MAP1A: variants seen among roughly 807,000 people sequenced by gnomAD.
The protein encoded by MAP1A is microtubule-associated protein 1A.
In MAP1A, 42 loss-of-function variants were observed where a neutral mutation model predicts 185.9. The observed-to-expected ratio is 0.23, with a 90% CI of 0.18 to 0.29. MAP1A has a LOEUF of 0.29. Ranked by LOEUF, MAP1A falls within the 10% of genes least tolerant of loss-of-function variation. The pLI is 1.00. For missense variants in MAP1A, 2,995 were observed against 3,450.4 expected, an observed-to-expected ratio of 0.87 and a Z score of 3.31; for synonymous variants, 1,229 against 1,335.9, an observed-to-expected ratio of 0.92 and a Z score of 1.74.
chr15:43,512,036 A>C (rs901473459), intron 1 of MAP1A, among the ~76,000 whole-genome samples: 9 of 152,148 alleles, frequency 5.9e-5, no homozygotes, highest in African/African-American at 2.2e-4. Flanking sequence ...ATTACTAGCC[A>C]CCTTTCTTTG....
rs764237711 is a variant in MAP1A at position 43,528,264 on chromosome 15, C to T, written c.6791C>T (p.Thr2264Ile). 51 of 1,613,954 alleles carry T rather than the reference C, an allele frequency of 3.2e-5. No homozygotes were observed. In the African/African-American group the frequency reaches 5.6e-4, roughly 18 times the overall value. ...TCTGAGGGCTCCTCCTCTGAGGCTA[C>T]CACGCCTGTGATTTCAAGTGTGGCG... Reference protein sequence around the residue: ...ALSEGSSSEATTPVISSVAER... With the variant: ...ALSEGSSSEAITPVISSVAER... The change falls in exon 4 of 6, where the codon ACC (threonine) becomes ATC (isoleucine). Residue 2264 changes from threonine (T) to isoleucine (I), a missense_variant. By Grantham distance (89) the Thr-to-Ile change is moderately conservative. Coordinates refer to ENST00000300231, the MANE Select transcript of MAP1A (RefSeq NM_002373.6).
chr15:43,520,911 C>A (rs944136474), intron 2 of MAP1A, 61 bp from the exon 3 acceptor site: 3 of 1,476,182 alleles, frequency 2.0e-6, no homozygotes, highest in Non-Finnish European at 2.8e-6. Flanking sequence ...TACTGAGGGG[C>A]CATTCATTGC....
rs539266511 is a variant in MAP1A at position 43,528,678 on chromosome 15, G to A, written c.7205G>A (p.Arg2402Gln). The A allele has an allele frequency of 5.2e-4, 847 of 1,613,608 alleles. 14 individuals are homozygous for A. In the South Asian group the frequency reaches 8.2e-3, roughly 16 times the overall value. ...AWPEGAERSS[R>Q]PDTLLSPEQP... ...CCTGAAGGAGCTGAGAGGAGCTCCC[G>A]GCCTGACACATTGCTCTCCCCTGAG... is the stretch of plus-strand genomic sequence containing the variant. The change falls in exon 4 of 6, where the codon CGG becomes CAG. Residue 2402 changes from arginine (R) to glutamine (Q), a missense_variant. Transcript: ENST00000300231.
intron 1 of MAP1A, among the ~76,000 whole-genome samples, chr15:43,518,060 A>G (rs886622470): frequency 3.3e-5 from 5 of 152,126 alleles, no homozygotes; most frequent in African/African-American, 1.2e-4. Flanking sequence ...TCTGAGAGAA[A>G]GGGGGATGTT....
chr15:43,524,935 T>C lies in MAP1A; in HGVS notation c.3462T>C (p.Ser1154=). ...CTCCTGAAGATGCAGAATCCCTCTC[T>C]GTCCTCAGCGTGCCCTCCCCAGACA... ...SLSPEDAESL[S]VLSVPSPDTA... Residue 1154 remains serine (S), a synonymous_variant, in exon 4 of 6, where the codon TCT becomes TCC. Transcript: ENST00000300231. 1 of 1,614,168 alleles carries C rather than the reference T, an allele frequency of 6.2e-7. No individual in the cohort carries two copies. The highest frequency in any genetic ancestry group is 8.5e-7 in the Non-Finnish European group (1 of 1,180,022).
At chr15:43,511,109 G>C in exon 1 of MAP1A, 1 of 1,550,328 alleles carries the variant, frequency 6.5e-7, no homozygotes. Flanking sequence ...GCTGTGCGAG[G>C]CCGGAGCCGC....
Position 43,527,403 on chromosome 15 carries a change from C to T in MAP1A, c.5930C>T (p.Thr1977Ile), listed in dbSNP as rs534081988. 4 of 1,614,218 alleles carry T rather than the reference C, an allele frequency of 2.5e-6. No individual in the cohort carries two copies. The African/African-American group carries it at 5.3e-5, about 22-fold the overall frequency. Reference protein sequence around the residue: ...YADIYEQMMLTGLGPACPTRE... With the variant: ...YADIYEQMMLIGLGPACPTRE... The stretch of plus-strand genomic sequence containing the variant: ...GACATCTATGAGCAGATGATGCTTA[C>T]TGGGCTTGGCCCTGCATGCCCCACT... The change falls in exon 4 of 6, where the codon ACT becomes ATT. Residue 1977 changes from threonine (T) to isoleucine (I), a missense_variant. By Grantham distance (89) the Thr-to-Ile change is moderately conservative. This residue lies in a region of MAP1A where 2,728 missense variants were observed against 2,986.0 expected (regional missense o/e 0.91). Transcript: ENST00000300231.
In MAP1A at chr15:43,522,256, G is replaced by T; in HGVS notation, c.783G>T (p.Lys261Asn). Reference protein sequence around the residue: ...VVWLPANPTEKIVRVLFPGNA... With the variant: ...VVWLPANPTENIVRVLFPGNA... ...GGCTACCAGCCAATCCCACTGAGAA[G>T]ATTGTGCGTGTGCTTTTTCCAGGAA... The change falls in exon 4 of 6, where the codon AAG becomes AAT. Residue 261 changes from lysine (K) to asparagine (N), a missense_variant. This residue lies in a region of MAP1A where 264 missense variants were observed against 435.3 expected (regional missense o/e 0.61). Transcript: ENST00000300231. The surrounding 1 kb of genome is among the most constrained non-coding windows in gnomAD (Gnocchi z 5.9). The T allele has an allele frequency of 6.2e-7, 1 of 1,614,234 alleles. No individual in the cohort carries two copies. The highest frequency in any genetic ancestry group is 8.5e-7 in the Non-Finnish European group (1 of 1,180,054).
Position 43,521,135 on chromosome 15 carries a change from T to C in MAP1A, c.-151+23T>C. ...GAGGTAAGTTCCATGCCAGAGTGTCTGGGAGAAAGGGTAGCACTAGAGCTG... is the reference window on the plus strand; with the variant it reads ...GAGGTAAGTTCCATGCCAGAGTGTCCGGGAGAAAGGGTAGCACTAGAGCTG... On this transcript the variant is annotated intron_variant, in intron 3 of 5. Coordinates refer to ENST00000300231, the MANE Select transcript of MAP1A (RefSeq NM_002373.6). This position sits in a 1 kb window ranked among gnomAD's most constrained non-coding sequence, Gnocchi z 4.6. The C allele has an allele frequency of 6.5e-7, 1 of 1,539,270 alleles. No individual in the cohort carries two copies. Among genetic ancestry groups the C allele is most frequent in the African/African-American group, 1.4e-5 (1 of 72,948 alleles).
At position 43,524,580 on chromosome 15, in the gene MAP1A, C is replaced by T; in HGVS notation, c.3107C>T (p.Thr1036Ile). The T allele has an allele frequency of 6.2e-7, 1 of 1,614,156 alleles. No homozygotes were observed. The highest frequency in any genetic ancestry group is 8.5e-7 in the Non-Finnish European group (1 of 1,180,014). Residue 1036 changes from threonine (T) to isoleucine (I), a missense_variant, in exon 4 of 6, where the codon ACA becomes ATA. Thr to Ile is a moderately conservative substitution (Grantham distance 89). This residue lies in a region of MAP1A where 2,728 missense variants were observed against 2,986.0 expected (regional missense o/e 0.91). Coordinates refer to ENST00000300231, the MANE Select transcript of MAP1A (RefSeq NM_002373.6). ...GACTCCTGGGGAGACACTAAGCGCA[C>T]ACCAGGTGTGGGCAAAGAAGATGCT... Reference protein sequence around the residue: ...EADSWGDTKRTPGVGKEDAAE... With the variant: ...EADSWGDTKRIPGVGKEDAAE...
At chr15:43,511,090 C>A in exon 1 of MAP1A, 1 of 1,550,182 alleles carries the variant, frequency 6.5e-7, no homozygotes. Flanking sequence ...CTCAGAACCC[C>A]GCGGAGCTGC....
rs1451888659 is a variant in MAP1A at position 43,520,663 on chromosome 15, G to C, written c.-352G>C. 4 of 1,549,466 alleles carry C rather than the reference G, an allele frequency of 2.6e-6. No homozygotes were observed. In the South Asian group the frequency reaches 3.6e-5, roughly 14 times the overall value. ...CAGGCCAGAGGACCCTTTGCCACCA[G>C]AGTGAGATCCTAGAGACCATCATCC... On this transcript the variant is annotated 5_prime_UTR_variant, in exon 2 of 6. Transcript: ENST00000300231.
At chr15:43,518,524 A>G (rs1432710944) in intron 1 of MAP1A, among the ~76,000 whole-genome samples, 1 of 151,652 alleles carries the variant, frequency 6.6e-6, no homozygotes. Flanking sequence ...CCCCCCATGC[A>G]GAAGCAGCCA....
rs765718416 is a variant in MAP1A, at chr15:43,526,845, C to A, written c.5372C>A (p.Ser1791Tyr). ...PPEEEDKLTR[S>Y]PFEIISPPAS... ...GAGGAAGAGGACAAACTGACCCGCT[C>A]TCCCTTTGAGATCATCTCCCCTCCA... Residue 1791 changes from serine (S) to tyrosine (Y), a missense_variant, in exon 4 of 6, where the codon TCT becomes TAT. This residue lies in a region of MAP1A where 2,728 missense variants were observed against 2,986.0 expected (regional missense o/e 0.91). Transcript: ENST00000300231. The surrounding 1 kb of genome is among the most constrained non-coding windows in gnomAD (Gnocchi z 4.7). 2 of 1,614,168 alleles carry A rather than the reference C, an allele frequency of 1.2e-6. No individual in the cohort carries two copies. The highest frequency in any genetic ancestry group is 2.2e-5 in the East Asian group (1 of 44,884).
At position 43,530,201 on chromosome 15, in the gene MAP1A, C is replaced by T. The variant is rs2079366292; in HGVS notation, c.8389C>T (p.Pro2797Ser). Residue 2797 changes from proline to serine, a missense_variant, in exon 6 of 6, where the codon CCT (proline) becomes TCT (serine). Physicochemically the swap from Pro to Ser is moderately conservative, Grantham distance 74. Coordinates refer to ENST00000300231, the MANE Select transcript of MAP1A (RefSeq NM_002373.6). Reference protein sequence around the residue: ...STVVMQDESFPACKIEF With the variant: ...STVVMQDESFSACKIEF ...CGTGGTGATGCAGGATGAGTCCTTC[C>T]CTGCCTGCAAGATTGAGTTCTGAAA... 1 of 1,614,120 alleles carries T rather than the reference C, an allele frequency of 6.2e-7. No homozygotes were observed. The highest frequency in any genetic ancestry group is 1.7e-5 in the Admixed American group (1 of 59,996).
Position 43,524,691 on chromosome 15 carries a change from A to G in MAP1A, c.3218A>G (p.Gln1073Arg). 6.2e-7 allele frequency: 1 copy of G among 1,614,168 alleles called. No homozygotes were observed. The highest frequency in any genetic ancestry group is 8.5e-7 in the Non-Finnish European group (1 of 1,179,996). The change falls in exon 4 of 6, where the codon CAG becomes CGG. Residue 1073 changes from glutamine to arginine, a missense_variant. This residue lies in a region of MAP1A where 2,728 missense variants were observed against 2,986.0 expected (regional missense o/e 0.91). Coordinates refer to ENST00000300231, the MANE Select transcript of MAP1A (RefSeq NM_002373.6). ...CCTCCTCCCAGGAGCCCCCAGGCCC[A>G]GGAAGCACCTGTCAACATTGATGAG... ...KVPPPRSPQA[Q>R]EAPVNIDEGL...
At position 43,522,342 on chromosome 15, in the gene MAP1A, G is replaced by A. The variant is rs201399898; in HGVS notation, c.869G>A (p.Arg290His). 2.1e-4 allele frequency: 346 copies of A among 1,614,116 alleles called. 3 individuals are homozygous for A. Among genetic ancestry groups the A allele is most frequent in the East Asian group, 8.9e-5 (4 of 44,882 alleles). Reference sequence around the variant, plus strand: ...AAGCTTCGGCATCTGGACTTCCTGCGTTACCCTGTGGCCACGCAGAAGGAC... The same window carrying A: ...AAGCTTCGGCATCTGGACTTCCTGCATTACCCTGTGGCCACGCAGAAGGAC... ...LEKLRHLDFL[R>H]YPVATQKDLA... Residue 290 changes from arginine (R) to histidine (H), a missense_variant, in exon 4 of 6, where the codon CGT (arginine) becomes CAT (histidine). By Grantham distance (29) the Arg-to-His change is conservative (BLOSUM62 0). Around this residue, in one of 3 missense-constraint regions of MAP1A, gnomAD observed 264 missense variants for 435.3 expected, o/e 0.61. Transcript: ENST00000300231. This position sits in a 1 kb window ranked among gnomAD's most constrained non-coding sequence, Gnocchi z 5.9.
upstream of MAP1A, among the ~76,000 whole-genome samples, chr15:43,517,439 A>C (rs1343763077): frequency 6.6e-6 from 1 of 152,104 alleles, no homozygotes; most frequent in Non-Finnish European, 1.5e-5. Context: ...TTGAGCTGCT[A>C]GACAATCCCT....
At position 43,524,231 on chromosome 15, in the gene MAP1A, G is replaced by A. The variant is rs1394918771; in HGVS notation, c.2758G>A (p.Glu920Lys). The change falls in exon 4 of 6, where the codon GAG becomes AAG. Residue 920 changes from glutamate (E) to lysine (K), a missense_variant. By Grantham distance (56) the Glu-to-Lys change is moderately conservative. This residue lies in a region of MAP1A where 2,728 missense variants were observed against 2,986.0 expected (regional missense o/e 0.91). Coordinates refer to ENST00000300231, the MANE Select transcript of MAP1A (RefSeq NM_002373.6). ...CTGTGAGGACTTCTCTGTGACTGGG[G>A]AGTCAGAGAAGAGAGGAGAGATCAT... ...PPCEDFSVTG[E>K]SEKRGEIIGK... is the part of the protein sequence containing the mutation. 4 of 1,614,242 alleles carry A rather than the reference G, an allele frequency of 2.5e-6. No individual in the cohort carries two copies. Among genetic ancestry groups the A allele is most frequent in the Admixed American group, 1.7e-5 (1 of 60,026 alleles).
Sources: gnomAD v4.1 joint callset for allele counts (sites outside exome capture counted in the v4.1 genomes callset) on GRCh38, gnomAD v4.1.1 for gene constraint, gnomAD v4.1.1 regional missense constraint, Gnocchi (gnomAD v3.1) non-coding constraint, MANE v1.5 for transcripts, NCBI Gene and HGNC (gene_info 2026-07-23, HGNC 2026-07-21) for gene names.